LMO1: variants seen among roughly 807,000 people sequenced by gnomAD.
LMO1 encodes the protein LIM domain only 1, also known as rhombotin-1.
In LMO1, 10 loss-of-function variants were observed where a neutral mutation model predicts 18.0. The observed-to-expected ratio is 0.55, with a 90% CI of 0.34 to 0.94. The LOEUF is 0.94. LMO1 is among the 40% of genes least tolerant of loss of function. The pLI, the probability that LMO1 is intolerant of heterozygous loss-of-function variation, is 0.02. For missense variants in LMO1, 183 were observed against 205.7 expected (o/e 0.89, Z 0.68); for synonymous variants, 77 against 77.9 (o/e 0.99, Z 0.06).
At chr11:8,232,278 G>A (rs1014876505) in intron 1 of LMO1, among the ~76,000 whole-genome samples, 1 of 152,150 alleles carries the variant, frequency 6.6e-6, no homozygotes, top group African/African-American at 2.4e-5. Flanking sequence ...GAGGGATGGG[G>A]CACAGGATGA....
chr11:8,225,528 T>C (rs1952523502), intron 3 of LMO1, among the ~76,000 whole-genome samples: 1 of 151,850 alleles, frequency 6.6e-6, no homozygotes, highest in Non-Finnish European at 1.5e-5. Context: ...TACAGGGCAT[T>C]CTTCCTCTAA....
At chr11:8,250,374 T>A (rs879315990) in intron 1 of LMO1, among the ~76,000 whole-genome samples, 6 of 151,944 alleles carry the variant, frequency 3.9e-5, no homozygotes, top group Non-Finnish European at 5.9e-5. Flanking sequence ...CCTGGATCTT[T>A]TTTTTGAGAA....
rs996083640 is a variant in LMO1, at chr11:8,255,815, G to A, written c.25+7523C>T. 1.0e-4 allele frequency among the ~76,000 whole-genome samples: 12 copies of A among 116,798 alleles called. 1 individual carries two copies. Among genetic ancestry groups the A allele is most frequent in the South Asian group, 8.0e-4 (3 of 3,770 alleles). The allele number at this position is 116,798 out of a possible 152,430, so 76.6% of individuals were successfully genotyped here. ...TGATACATACAGATAGCACAATGCC[G>A]CACTTTTTTTTTTTTTTTTTTTTTT... is the stretch of plus-strand genomic sequence containing the variant. On this transcript the variant is annotated intron_variant, in intron 1 of 3. Transcript: ENST00000335790.
At chr11:8,247,799 T>C (rs545670220) in intron 1 of LMO1, among the ~76,000 whole-genome samples, 1 of 152,346 alleles carries the variant, frequency 6.6e-6, no homozygotes, top group African/African-American at 2.4e-5. Flanking sequence ...AAACTACCCT[T>C]GGAACTTCTC....
upstream of LMO1, chr11:8,268,461 TC>T: frequency 2.1e-6 from 3 of 1,449,010 alleles, no homozygotes; most frequent in Non-Finnish European, 2.7e-6. Context: ...TCCCGACGGC[TC>T]CAGCCGGACT....
At chr11:8,264,803 T>C (rs914331163), upstream of LMO1, among the ~76,000 whole-genome samples, 1 of 152,154 alleles carries the variant, frequency 6.6e-6, no homozygotes, top group Non-Finnish European at 1.5e-5. Flanking sequence ...AGCTAATTTT[T>C]GTATTTTTTA....
chr11:8,239,238 GGT>G (rs1952813411), intron 1 of LMO1, among the ~76,000 whole-genome samples: 2 of 152,328 alleles, frequency 1.3e-5, no homozygotes, highest in African/African-American at 4.8e-5. Flanking sequence ...ATGGTGCTGG[GGT>G]GGGGGCTGGG....
intron 1 of LMO1, among the ~76,000 whole-genome samples, chr11:8,241,786 C>CAAA (rs10706352): frequency 8.4e-6 from 1 of 118,408 alleles, no homozygotes; most frequent in Non-Finnish European, 1.9e-5. Context: ...CTGTGAGTTT[C>CAAA]AAAAAAAAAA....
At chr11:8,235,434 G>A (rs998565827) in intron 1 of LMO1, among the ~76,000 whole-genome samples, 1 of 152,206 alleles carries the variant, frequency 6.6e-6, no homozygotes. Context: ...ATGCTTTGCT[G>A]AAAACAAGGA....
upstream of LMO1, among the ~76,000 whole-genome samples, chr11:8,268,145 C>T (rs1390049206): frequency 1.3e-5 from 2 of 152,266 alleles, no homozygotes; most frequent in African/African-American, 4.8e-5. Flanking sequence ...TGAGAAAGTT[C>T]CCAGCCGGAG....
intron 1 of LMO1, among the ~76,000 whole-genome samples, chr11:8,253,004 G>T (rs888615828): frequency 1.3e-5 from 2 of 152,242 alleles, no homozygotes; most frequent in African/African-American, 4.8e-5. Context: ...ATTGAGAGGG[G>T]GCCCTGCAGA....
chr11:8,264,426 A>T (rs1847239628), upstream of LMO1, among the ~76,000 whole-genome samples: 1 of 152,192 alleles, frequency 6.6e-6, no homozygotes, highest in Non-Finnish European at 1.5e-5. Flanking sequence ...CTAGGGATAC[A>T]GCACTGAACA....
intron 1 of LMO1, among the ~76,000 whole-genome samples, chr11:8,234,018 A>G (rs1209019813): frequency 6.6e-6 from 1 of 152,198 alleles, no homozygotes; most frequent in African/African-American, 2.4e-5. Context: ...GTTTGCGCCG[A>G]CACGCACGCC....
At chr11:8,235,414 C>T (rs548919194) in intron 1 of LMO1, among the ~76,000 whole-genome samples, 2 of 152,330 alleles carry the variant, frequency 1.3e-5, no homozygotes, top group South Asian at 4.1e-4. Flanking sequence ...CTAATACTTT[C>T]GGTTTGCAAA....
intron 1 of LMO1, among the ~76,000 whole-genome samples, chr11:8,260,281 C>T (rs928971194): frequency 1.2e-4 from 19 of 152,204 alleles, no homozygotes; most frequent in African/African-American, 4.6e-4. Context: ...AAAAGCTCAC[C>T]ACCTGGTGCC....
intron 1 of LMO1, among the ~76,000 whole-genome samples, chr11:8,241,792 A>C (rs984237432): frequency 3.9e-5 from 6 of 152,142 alleles, no homozygotes; most frequent in Middle Eastern, 6.8e-3. Context: ...GTTTCAAAAA[A>C]AAAAAAAACA....
At chr11:8,233,428 T>C (rs1952705438) in intron 1 of LMO1, among the ~76,000 whole-genome samples, 1 of 152,098 alleles carries the variant, frequency 6.6e-6, no homozygotes, top group African/African-American at 2.4e-5. Context: ...CATCTGCCCA[T>C]AAGAAAAACG....
At chr11:8,226,457 G>A (rs891960390) in intron 3 of LMO1, among the ~76,000 whole-genome samples, 1 of 152,184 alleles carries the variant, frequency 6.6e-6, no homozygotes, top group African/African-American at 2.4e-5. Flanking sequence ...AGGTTGCCGT[G>A]AGCCAAGATT....
chr11:8,244,146 G>A (rs968382754), intron 1 of LMO1, among the ~76,000 whole-genome samples: 2 of 152,132 alleles, frequency 1.3e-5, no homozygotes, highest in African/African-American at 4.8e-5. Flanking sequence ...TTCACAGGGA[G>A]CCCTTTCTGG....
Sources: allele counts gnomAD v4.1 joint callset (sites outside exome capture counted in the v4.1 genomes callset), GRCh38; gene constraint gnomAD v4.1.1; transcripts MANE v1.5; gene names NCBI Gene and HGNC (gene_info 2026-07-23, HGNC 2026-07-21).